Variants in ITGAM observed in about 807,000 individuals in gnomAD.
The protein encoded by ITGAM is integrin alpha-M.
A neutral mutation model predicts 137.5 loss-of-function variants in ITGAM; 79 were observed. That is an observed-to-expected ratio of 0.57 (90% CI 0.48 to 0.69). The LOEUF is 0.69. Among genes scored for constraint, ITGAM ranks in the 30% least tolerant of loss-of-function variants. The probability of loss-of-function intolerance (pLI) is 0.00; values close to 1 mark genes in which losing one functional copy is unlikely to be tolerated. For missense variants in ITGAM, 1,343 were observed against 1,483.5 expected, an observed-to-expected ratio of 0.91 and a Z score of 1.56; for synonymous variants, 583 against 592.3, an observed-to-expected ratio of 0.98 and a Z score of 0.23.
At chr16:31,266,678 C>T (rs1319985306) in intron 5 of ITGAM, among the ~76,000 whole-genome samples, 2 of 152,014 alleles carry the variant, frequency 1.3e-5, no homozygotes, top group African/African-American at 4.8e-5. Context: ...CCACTGTACT[C>T]CAACCTGGGT....
At chr16:31,284,433 C>A (rs1596995212) in intron 12 of ITGAM, among the ~76,000 whole-genome samples, 1 of 152,232 alleles carries the variant, frequency 6.6e-6, no homozygotes. Context: ...ATGGTGGACG[C>A]CCCTCCCCCA....
rs760561448 is a variant in ITGAM, at chr16:31,325,302, C to T, written c.2403C>T (p.Asn801=). 17 of 1,613,726 alleles carry T rather than the reference C, an allele frequency of 1.1e-5. No homozygotes were observed. Among genetic ancestry groups the T allele is most frequent in the South Asian group, 9.9e-5 (9 of 91,072 alleles). Residue 801 remains asparagine (N), a synonymous_variant, in exon 20 of 30, where the codon AAC becomes AAT. Transcript: ENST00000544665. ...CLVVGGPREF[N]VTVTVRNDGE... is the part of the protein sequence containing the mutation. ...TGGTGGGTGGGCCCCGGGAGTTCAA[C>T]GTGACAGTGACTGTGAGAAATGATG...
intron 21 of ITGAM, among the ~76,000 whole-genome samples, chr16:31,325,875 G>A (rs1311771075): frequency 6.6e-6 from 1 of 152,068 alleles, no homozygotes; most frequent in Non-Finnish European, 1.5e-5. Context: ...AAACCAGCCT[G>A]GGTGACACGG....
chr16:31,265,900 G>T lies in ITGAM; in HGVS notation c.309+19G>T. On this transcript the variant is annotated intron_variant, in intron 4 of 29. Coordinates refer to ENST00000544665, the MANE Select transcript of ITGAM (RefSeq NM_000632.4). ...GCTGCTGGTGAGTGGGGCTCGATCAGAGGAGCATCCTAATGGGGGTGTTTG... is the reference window on the plus strand; with the variant it reads ...GCTGCTGGTGAGTGGGGCTCGATCATAGGAGCATCCTAATGGGGGTGTTTG... 1 of 1,612,704 alleles carries T rather than the reference G, an allele frequency of 6.2e-7. No homozygotes were observed. Among genetic ancestry groups the T allele is most frequent in the Non-Finnish European group, 8.5e-7 (1 of 1,179,504 alleles).
intron 14 of ITGAM, among the ~76,000 whole-genome samples, chr16:31,302,481 TTC>T (rs2080215525): frequency 1.7e-5 from 2 of 117,158 alleles, no homozygotes; most frequent in South Asian, 4.8e-4. Context: ...CTTTCTTTCT[TTC>T]TTTTTTCTTT....
Position 31,324,334 on chromosome 16 carries a change from T to G in ITGAM, c.2003-65T>G. On this transcript the variant is annotated intron_variant, in intron 16 of 29. Transcript: ENST00000544665. The surrounding 1 kb of genome is among the most constrained non-coding windows in gnomAD (Gnocchi z 4.5). ...GCTGAGAAGCAGAGGAGCTGGGCCT[T>G]GAACTCCCATCTGCCGGGTTCCGAG... The G allele has an allele frequency of 7.0e-7, 1 of 1,423,150 alleles. No individual in the cohort carries two copies. Among genetic ancestry groups the G allele is most frequent in the Non-Finnish European group, 9.7e-7 (1 of 1,033,900 alleles). 88.2% of individuals were successfully genotyped at this position (1,423,150 alleles called of 1,614,324 possible).
At chr16:31,277,359 A>ATT (rs10647928) in intron 11 of ITGAM, among the ~76,000 whole-genome samples, 4,764 of 137,026 alleles carry the variant, frequency 0.035, 257 homozygotes, top group African/African-American at 0.12. Flanking sequence ...CCCCTGGCTA[A>ATT]TTTTTTTTTT....
At chr16:31,325,476 G>C (rs372264891) in intron 20 of ITGAM, 24 bp from the exon 21 acceptor site, 1 of 1,613,586 alleles carries the variant, frequency 6.2e-7, no homozygotes, top group East Asian at 2.2e-5. Context: ...GGATATCACC[G>C]CCTTTGCCTC....
intron 14 of ITGAM, among the ~76,000 whole-genome samples, chr16:31,319,415 C>T (rs2144473160): frequency 6.6e-6 from 1 of 152,226 alleles, no homozygotes; most frequent in South Asian, 2.1e-4. Flanking sequence ...ATGGCCATTT[C>T]ATCATTATAT....
At chr16:31,272,103 C>A (rs878978105) in intron 7 of ITGAM, 111 bp downstream of exon 7, 1 of 1,291,972 alleles carries the variant, frequency 7.7e-7, no homozygotes, top group Non-Finnish European at 1.1e-6. Context: ...GCTTCCCCAC[C>A]GGCAGAGGTG....
chr16:31,271,974 C>T lies in ITGAM; in HGVS notation c.686C>T (p.Thr229Met), dbSNP rs754956034. The change falls in exon 7 of 30, where the codon ACG (threonine) becomes ATG (methionine). Residue 229 changes from threonine (T) to methionine (M), a missense_variant. Thr to Met is a moderately conservative substitution (Grantham distance 81, BLOSUM62 -1). Coordinates refer to ENST00000544665, the MANE Select transcript of ITGAM (RefSeq NM_000632.4). ...TQLLGRTHTATGIRKVVRELF... is the reference protein window; with the variant it reads ...TQLLGRTHTAMGIRKVVRELF... ...CTGCTTGGGCGGACACACACGGCCA[C>T]GGGCATCCGCAAAGTGGTGTAAGCT... 1.3e-5 allele frequency: 21 copies of T among 1,613,836 alleles called. No homozygotes were observed. The highest frequency in any genetic ancestry group is 1.6e-4 in the Middle Eastern group (1 of 6,080).
intron 2 of ITGAM, 60 bp from the exon 3 acceptor site, chr16:31,265,335 C>T (rs1161286926): frequency 1.1e-6 from 1 of 934,024 alleles, no homozygotes; most frequent in Non-Finnish European, 1.6e-6. Context: ...AGAACTTCCT[C>T]TGTGGTCTCC....
At chr16:31,291,392 T>C (rs2080085437) in intron 12 of ITGAM, among the ~76,000 whole-genome samples, 2 of 152,198 alleles carry the variant, frequency 1.3e-5, no homozygotes, top group South Asian at 4.1e-4. Context: ...GTTCCATTTT[T>C]AGTTTTCTTG....
chr16:31,293,655 G>A (rs2144367415), intron 12 of ITGAM, among the ~76,000 whole-genome samples: 1 of 152,230 alleles, frequency 6.6e-6, no homozygotes, highest in East Asian at 1.9e-4. Context: ...AGTATAGTTT[G>A]AAGTCAGGTA....
chr16:31,297,495 A>T lies in ITGAM; in HGVS notation c.1357-19A>T, dbSNP rs1328308310. ...TTTAGGTGGGAAGAGGTGTGTGATT[A>T]CGGTCCTGTCTCTTTCAGATCGGCG... is the stretch of plus-strand genomic sequence containing the variant. On this transcript the variant is annotated intron_variant, in intron 12 of 29. Coordinates refer to ENST00000544665, the MANE Select transcript of ITGAM (RefSeq NM_000632.4). The T allele has an allele frequency of 6.2e-7, 1 of 1,611,786 alleles. No individual in the cohort carries two copies. The highest frequency in any genetic ancestry group is 8.5e-7 in the Non-Finnish European group (1 of 1,179,764).
At chr16:31,318,367 G>A (rs1272392008) in intron 14 of ITGAM, among the ~76,000 whole-genome samples, 1 of 118,966 alleles carries the variant, frequency 8.4e-6, no homozygotes, top group Non-Finnish European at 1.7e-5. Flanking sequence ...TTTTTGAGAT[G>A]GAGTCTCACT....
At chr16:31,323,425 T>TC (rs1205658906) in intron 16 of ITGAM, among the ~76,000 whole-genome samples, 7 of 122,516 alleles carry the variant, frequency 5.7e-5, no homozygotes, top group African/African-American at 2.4e-4. Flanking sequence ...AAACTCCATT[T>TC]CAAAAAAAAA....
intron 5 of ITGAM, among the ~76,000 whole-genome samples, chr16:31,266,720 G>T (rs2079772720): frequency 6.6e-6 from 1 of 152,000 alleles, no homozygotes; most frequent in Non-Finnish European, 1.5e-5. Flanking sequence ...TAAAAAATAA[G>T]TCCAGGTCAC....
chr16:31,272,423 C>CCATATATATA (rs1491104518), intron 7 of ITGAM, among the ~76,000 whole-genome samples: 1 of 31,534 alleles, frequency 3.2e-5, no homozygotes, highest in East Asian at 2.5e-3. Context: ...GGCCAATTAA[C>CCATATATATA]TATATATATA....
Sources: gnomAD v4.1 joint callset for allele counts (sites outside exome capture counted in the v4.1 genomes callset) on GRCh38, gnomAD v4.1.1 for gene constraint, Gnocchi (gnomAD v3.1) non-coding constraint, MANE v1.5 for transcripts, NCBI Gene and HGNC (gene_info 2026-07-23, HGNC 2026-07-21) for gene names.